Variants in LGSN observed in about 807,000 individuals in gnomAD.
The protein encoded by LGSN is lengsin, lens protein with glutamine synthetase domain.
Under a neutral mutation model 19.5 loss-of-function variants are expected in LGSN, and 21 were observed. The observed-to-expected ratio is 1.07, with a 90% confidence interval of 0.76 to 1.55. LGSN has a LOEUF of 1.55. Among genes scored for constraint, LGSN ranks in the 40% most tolerant of loss-of-function variants. The pLI is 0.00. For synonymous variants in LGSN, 257 were observed against 215.6 expected, an observed-to-expected ratio of 1.19 and a Z score of -1.68; for missense variants, 673 against 608.5, an observed-to-expected ratio of 1.11 and a Z score of -1.12.
the LGSN span, among the ~76,000 whole-genome samples, chr6:63,439,493 C>G: frequency 6.6e-6 from 1 of 151,526 alleles, no homozygotes; most frequent in African/African-American, 2.4e-5. Flanking sequence ...CCGGCCTGGG[C>G]GACAGAGTGT....
At chr6:63,323,557 TATAC>T (rs879392118), upstream of LGSN, among the ~76,000 whole-genome samples, 222 of 96,252 alleles carry the variant, frequency 2.3e-3, no homozygotes, top group Middle Eastern at 0.011. Flanking sequence ...CAAAACCTCA[TATAC>T]ACACACACAC....
intron 1 of LGSN, among the ~76,000 whole-genome samples, chr6:63,302,526 T>C (rs1156919430): frequency 6.6e-6 from 1 of 152,184 alleles, no homozygotes; most frequent in African/African-American, 2.4e-5. Context: ...AATGAAGAAG[T>C]TGACCAGTTT....
the LGSN span, among the ~76,000 whole-genome samples, chr6:63,475,314 C>CAAAAAAAAAA: frequency 1.0e-5 from 1 of 99,304 alleles, no homozygotes. Flanking sequence ...ATAGATCTGC[C>CAAAAAAAAAA]AAAAAAAAAA....
At chr6:63,535,917 C>T in the LGSN span, among the ~76,000 whole-genome samples, 8 of 152,270 alleles carry the variant, frequency 5.3e-5, no homozygotes, top group East Asian at 5.9e-4. Context: ...GGTTTACAGG[C>T]GTGCGCCACC....
the LGSN span, among the ~76,000 whole-genome samples, chr6:63,464,494 T>C: frequency 6.6e-6 from 1 of 151,050 alleles, no homozygotes; most frequent in Non-Finnish European, 1.5e-5. Context: ...ATAAATAAAG[T>C]ACCTAGCCTC....
the LGSN span, among the ~76,000 whole-genome samples, chr6:63,495,893 T>A: frequency 6.6e-6 from 1 of 152,072 alleles, no homozygotes; most frequent in African/African-American, 2.4e-5. Context: ...AACACTCACA[T>A]GTAATGTCTT....
At chr6:63,441,672 A>G in the LGSN span, 1 of 471,504 alleles carries the variant, frequency 2.1e-6, no homozygotes. Context: ...AGAAAGGAGT[A>G]TGATGCCCTC....
chr6:63,482,428 C>G, the LGSN span, among the ~76,000 whole-genome samples: 1 of 152,154 alleles, frequency 6.6e-6, no homozygotes, highest in Admixed American at 6.5e-5. Flanking sequence ...ACTTTAGGTA[C>G]TATCCAAAAA....
intron 2 of LGSN, among the ~76,000 whole-genome samples, chr6:63,288,230 A>AAAATAAATAAATAAAT (rs561099445): frequency 7.2e-5 from 10 of 138,516 alleles, no homozygotes; most frequent in Admixed American, 1.5e-4. Context: ...CCATCTCAAA[A>AAAATAAATAAATAAAT]AAATAAATAA....
the LGSN span, among the ~76,000 whole-genome samples, chr6:63,490,644 T>G: frequency 2.0e-5 from 3 of 152,146 alleles, no homozygotes; most frequent in African/African-American, 7.2e-5. Flanking sequence ...TGGTGCAACT[T>G]CAGCTCACTG....
At chr6:63,359,549 G>A in the LGSN span, among the ~76,000 whole-genome samples, 1 of 152,244 alleles carries the variant, frequency 6.6e-6, no homozygotes, top group Admixed American at 6.5e-5. Context: ...ACTTCTTCCT[G>A]GTTTAGTCTT....
chr6:63,323,220 TAGAAGGAGAGTGCCAC>T (rs369381880), upstream of LGSN, among the ~76,000 whole-genome samples: 201 of 152,322 alleles, frequency 1.3e-3, no homozygotes, highest in African/African-American at 4.8e-3. Flanking sequence ...AAGCTATTTT[TAGAAGGAGAGTGCCAC>T]AGAATACATT....
In LGSN at chr6:63,318,006, T is replaced by C. The variant is rs7775614; in HGVS notation, c.30+1908A>G. ...GCCACTCTTTCACTCAATTTCACAA[T>C]TTCATACACCCATAGGATCTACTTT... is the stretch of plus-strand genomic sequence containing the variant. On this transcript the variant is annotated intron_variant, in intron 1 of 3. Coordinates refer to ENST00000370657, the MANE Select transcript of LGSN (RefSeq NM_016571.3). Among the ~76,000 whole-genome samples, 444 of 152,248 alleles carry C rather than the reference T, an allele frequency of 2.9e-3. 3 individuals are homozygous for C. Among genetic ancestry groups the C allele is most frequent in the African/African-American group, 0.01 (421 of 41,506 alleles).
At chr6:63,565,875 A>G in the LGSN span, among the ~76,000 whole-genome samples, 6 of 152,258 alleles carry the variant, frequency 3.9e-5, no homozygotes, top group African/African-American at 1.4e-4. Context: ...TTTTTAATAT[A>G]GAGCATGTTT....
At chr6:63,514,706 T>G in the LGSN span, among the ~76,000 whole-genome samples, 2 of 152,174 alleles carry the variant, frequency 1.3e-5, no homozygotes, top group Non-Finnish European at 2.9e-5. Flanking sequence ...GTTGAACAAG[T>G]GCTTTTTGTT....
chr6:63,464,366 G>T, the LGSN span, among the ~76,000 whole-genome samples: 1 of 151,894 alleles, frequency 6.6e-6, no homozygotes, highest in Non-Finnish European at 1.5e-5. Context: ...TCAGTTGTTT[G>T]CTTTCTCTAT....
At chr6:63,353,593 A>AG in the LGSN span, among the ~76,000 whole-genome samples, 1 of 148,306 alleles carries the variant, frequency 6.7e-6, no homozygotes, top group Non-Finnish European at 1.5e-5. Flanking sequence ...TGTAGCAAAA[A>AG]AAAAAAAAAA....
At chr6:63,500,488 C>A in the LGSN span, among the ~76,000 whole-genome samples, 1 of 151,968 alleles carries the variant, frequency 6.6e-6, no homozygotes, top group Non-Finnish European at 1.5e-5. Flanking sequence ...ATGGTGTGAT[C>A]TCAGCTCACT....
the LGSN span, among the ~76,000 whole-genome samples, chr6:63,422,061 T>A: frequency 6.6e-6 from 1 of 151,966 alleles, no homozygotes; most frequent in Non-Finnish European, 1.5e-5. Flanking sequence ...ACCAAAAAAA[T>A]TTTTTGTTGT....
Sources: gnomAD v4.1 joint callset for allele counts (sites outside exome capture counted in the v4.1 genomes callset) on GRCh38, gnomAD v4.1.1 for gene constraint, MANE v1.5 for transcripts, NCBI Gene and HGNC (gene_info 2026-07-23, HGNC 2026-07-21) for gene names.